TAFA2: variants seen among roughly 807,000 people sequenced by gnomAD.
The protein encoded by TAFA2 is chemokine-like protein TAFA-2.
In TAFA2, 7 loss-of-function variants were observed where a neutral mutation model predicts 18.8. The ratio of observed to expected loss-of-function variants is 0.37; its 90% CI spans 0.21 to 0.70. The LOEUF is 0.70. TAFA2 is among the 30% of genes least tolerant of loss of function. TAFA2 has a pLI of 0.53. For synonymous variants in TAFA2, 60 were observed against 54.2 expected, an observed-to-expected ratio of 1.11 and a Z score of -0.47; for missense variants, 122 against 158.1, an observed-to-expected ratio of 0.77 and a Z score of 1.23.
At chr12:61,815,227 G>A (rs1872031392) in intron 2 of TAFA2, among the ~76,000 whole-genome samples, 1 of 151,410 alleles carries the variant, frequency 6.6e-6, no homozygotes, top group African/African-American at 2.5e-5. Flanking sequence ...AACTTGAACA[G>A]GTAGGTAGAT....
intron 1 of TAFA2, among the ~76,000 whole-genome samples, chr12:62,115,479 A>G (rs1460996623): frequency 1.3e-5 from 2 of 152,174 alleles, no homozygotes; most frequent in Non-Finnish European, 2.9e-5. Flanking sequence ...CATCATGTCT[A>G]AACTAAAATA....
chr12:61,979,559 T>G (rs987216828), intron 1 of TAFA2, among the ~76,000 whole-genome samples: 1 of 151,902 alleles, frequency 6.6e-6, no homozygotes, highest in African/African-American at 2.4e-5. Context: ...AGGAGTGAGG[T>G]AAAGTATATT....
intron 1 of TAFA2, among the ~76,000 whole-genome samples, chr12:62,154,548 T>A (rs769346807): frequency 4.6e-5 from 7 of 152,186 alleles, no homozygotes; most frequent in Admixed American, 2.6e-4. Context: ...TTTGTCAATA[T>A]TTAGAGAGTT....
chr12:62,242,893 G>T (rs1354042314), intron 1 of TAFA2, among the ~76,000 whole-genome samples: 8 of 152,080 alleles, frequency 5.3e-5, no homozygotes, highest in Admixed American at 5.2e-4. Context: ...ATGAGTAATA[G>T]GAACTAACCA....
At chr12:62,081,706 A>T (rs1036017098) in intron 1 of TAFA2, among the ~76,000 whole-genome samples, 1 of 151,918 alleles carries the variant, frequency 6.6e-6, no homozygotes, top group African/African-American at 2.4e-5. Flanking sequence ...GCTTGTCTTG[A>T]ACTGCTGACC....
intron 4 of TAFA2, among the ~76,000 whole-genome samples, chr12:61,734,524 AT>A (rs1868272474): frequency 6.6e-6 from 1 of 152,010 alleles, no homozygotes; most frequent in African/African-American, 2.4e-5. Context: ...TAATAATAAA[AT>A]AAAAAAAACT....
Position 62,188,635 on chromosome 12 carries a change from A to G in TAFA2, c.-2+2624T>C, listed in dbSNP as rs547236902. 5.1e-3 allele frequency among the ~76,000 whole-genome samples: 772 copies of G among 152,298 alleles called. 4 individuals carry two copies. The highest frequency in any genetic ancestry group is 9.0e-3 in the Non-Finnish European group (615 of 68,010). On this transcript the variant is annotated intron_variant, in intron 1 of 4. Transcript: ENST00000416284. ...ATCCATAACTTGCAATTAGTGATAA[A>G]TCATCCTTAAATGTGTATTTTAACA...
At chr12:62,023,866 A>G (rs985234385) in intron 1 of TAFA2, 4 of 152,158 alleles carry the variant, frequency 2.6e-5, no homozygotes, top group Admixed American at 6.5e-5. Context: ...TCTCTCATTC[A>G]ATGTTTTTCT....
chr12:61,949,447 G>A (rs573747083), intron 1 of TAFA2, among the ~76,000 whole-genome samples: 1 of 152,034 alleles, frequency 6.6e-6, no homozygotes, highest in Non-Finnish European at 1.5e-5. Context: ...TCTAGACCCA[G>A]TACCTATTAT....
At chr12:61,956,573 A>T (rs1878702048) in intron 1 of TAFA2, among the ~76,000 whole-genome samples, 1 of 151,724 alleles carries the variant, frequency 6.6e-6, no homozygotes, top group African/African-American at 2.4e-5. Context: ...ACAGAAAAAC[A>T]GATGGTGTTT....
intron 1 of TAFA2, among the ~76,000 whole-genome samples, chr12:61,871,850 T>C (rs1874616806): frequency 6.6e-6 from 1 of 152,288 alleles, no homozygotes; most frequent in South Asian, 2.1e-4. Context: ...CCCAGCACTT[T>C]GGGAGGCCGA....
chr12:61,797,985 G>C (rs894191484), intron 2 of TAFA2, among the ~76,000 whole-genome samples: 1 of 152,106 alleles, frequency 6.6e-6, no homozygotes, highest in African/African-American at 2.4e-5. Context: ...AATAACCACT[G>C]TGTAATGGGC....
chr12:61,737,320 CAT>C (rs1189648431), intron 4 of TAFA2, among the ~76,000 whole-genome samples: 4 of 151,630 alleles, frequency 2.6e-5, no homozygotes, highest in East Asian at 3.9e-4. Flanking sequence ...ATGAAAATTG[CAT>C]ATCTTTTTCA....
chr12:61,903,976 A>G (rs994777815), intron 1 of TAFA2, among the ~76,000 whole-genome samples: 19 of 152,182 alleles, frequency 1.2e-4, no homozygotes, highest in Admixed American at 4.6e-4. Flanking sequence ...AAGTCCTGCT[A>G]TTCTTTTCAA....
At chr12:62,201,641 A>C (rs2062671504) in intron 1 of TAFA2, among the ~76,000 whole-genome samples, 1 of 152,156 alleles carries the variant, frequency 6.6e-6, no homozygotes, top group Non-Finnish European at 1.5e-5. Context: ...TTGATTTGCC[A>C]GTTGAGGATT....
At chr12:61,956,797 T>A (rs1878711496) in intron 1 of TAFA2, among the ~76,000 whole-genome samples, 1 of 152,136 alleles carries the variant, frequency 6.6e-6, no homozygotes, top group African/African-American at 2.4e-5. Context: ...CAGAACAGCA[T>A]GAGATCTGCT....
At chr12:62,020,559 G>C (rs1351420731) in intron 1 of TAFA2, among the ~76,000 whole-genome samples, 1 of 152,196 alleles carries the variant, frequency 6.6e-6, no homozygotes, top group Non-Finnish European at 1.5e-5. Context: ...AGATAACACT[G>C]GGATATGGAC....
chr12:62,067,651 T>C (rs1882525324), intron 1 of TAFA2, among the ~76,000 whole-genome samples: 1 of 152,078 alleles, frequency 6.6e-6, no homozygotes, highest in South Asian at 2.1e-4. Context: ...CTCTGGGTTA[T>C]CTTTTCTGTT....
In TAFA2 at chr12:61,846,254, A is replaced by G. The variant is rs567650607; in HGVS notation, c.106+21066T>C. On this transcript the variant is annotated intron_variant, in intron 2 of 4. Transcript: ENST00000416284. ...GGATAGACTTTTTTCTATATTTACT[A>G]ATGCATCAAAAATATTGTTGTTGTG... 3.6e-3 allele frequency among the ~76,000 whole-genome samples: 548 copies of G among 152,226 alleles called. 4 individuals are homozygous for G. Among genetic ancestry groups the G allele is most frequent in the African/African-American group, 0.012 (516 of 41,542 alleles).
Sources: gnomAD v4.1 joint callset for allele counts (sites outside exome capture counted in the v4.1 genomes callset) on GRCh38, gnomAD v4.1.1 for gene constraint, MANE v1.5 for transcripts, NCBI Gene and HGNC (gene_info 2026-07-23, HGNC 2026-07-21) for gene names.